Variants in CD72 observed in about 807,000 individuals in gnomAD.
The protein encoded by CD72 is CD72 molecule.
CD72 carries 28 observed loss-of-function variants against 50.7 expected under a neutral mutation model. That is an observed-to-expected ratio of 0.55 (90% CI 0.41 to 0.76). The LOEUF is 0.76. CD72 is among the 30% of genes least tolerant of loss of function. CD72 has a pLI of 0.00. For missense variants in CD72, 403 were observed against 420.6 expected (o/e 0.96, Z 0.37); for synonymous variants, 176 against 171.2 (o/e 1.03, Z -0.22).
Position 35,610,088 on chromosome 9 carries a change from TG to T in CD72, c.*234del. The T allele has an allele frequency of 1.1e-5, 3 of 263,988 alleles. No homozygotes were observed. Among genetic ancestry groups the T allele is most frequent in the East Asian group, 8.0e-5 (1 of 12,538 alleles). The allele number at this position is 263,988 out of a possible 1,614,324, so 16.4% of individuals were successfully genotyped here. A position where few individuals can be genotyped will look rare whatever the true frequency, so the allele number is the denominator to read the frequency against. ...ACCCCATTCTACCATGGGAAGTTCT[TG>T]GGGGGAGGCCAAAGTCCCTTCTAGA... On this transcript the variant is annotated 3_prime_UTR_variant, in exon 9 of 9. Coordinates refer to ENST00000259633, the MANE Select transcript of CD72 (RefSeq NM_001782.3).
chr9:35,638,595 G>A (rs4879918), intron 1 of CD72, among the ~76,000 whole-genome samples: 104,076 of 148,538 alleles, frequency 0.7, 37,585 homozygotes, highest in East Asian at 0.93. Flanking sequence ...ATCAGACCCC[G>A]CTAAATATAT....
In CD72 at chr9:35,611,815, T is replaced by C; in HGVS notation, c.939A>G (p.Thr313=). ...SNKDWKLTDD[T]QRTRTYAQSS... ...CCTAACAAACTTACCTAGTGCGTTG[T>C]GTATCATCAGTCAACTTCCAATCCT... The change falls in exon 7 of 9, where the codon ACA becomes ACG. Residue 313 remains threonine, a synonymous_variant. Transcript: ENST00000259633. 2 of 1,587,668 alleles carry C rather than the reference T, an allele frequency of 1.3e-6. No individual in the cohort carries two copies. Among genetic ancestry groups the C allele is most frequent in the East Asian group, 2.2e-5 (1 of 44,760 alleles).
chr9:35,627,891 A>G (rs1363235601), intron 1 of CD72, among the ~76,000 whole-genome samples: 4 of 151,832 alleles, frequency 2.6e-5, no homozygotes, highest in Non-Finnish European at 5.9e-5. Flanking sequence ...GCTGGAGTAC[A>G]GTGGTTCGAC....
intron 3 of CD72, chr9:35,616,943 G>C (rs1823073146): frequency 7.1e-7 from 1 of 1,404,810 alleles, no homozygotes; most frequent in East Asian, 2.5e-5. Flanking sequence ...ATATCAGACG[G>C]AGAGAGGGGA....
At position 35,610,766 on chromosome 9, in the gene CD72, A is replaced by G. The variant is rs1460346604; in HGVS notation, c.951-13T>C. 6 of 1,606,868 alleles carry G rather than the reference A, an allele frequency of 3.7e-6. No homozygotes were observed. Among genetic ancestry groups the G allele is most frequent in the Non-Finnish European group, 5.1e-6 (6 of 1,176,414 alleles). On this transcript the variant is annotated splice_polypyrimidine_tract_variant and intron_variant, in intron 7 of 8. Coordinates refer to ENST00000259633, the MANE Select transcript of CD72 (RefSeq NM_001782.3). ...TTGAGCATAAGTCCTAAAAAGTAGT[A>G]AGGTAGAGCTGGGATATGCTCTGGA... is the stretch of plus-strand genomic sequence containing the variant.
At chr9:35,630,890 G>A (rs1046613242) in intron 1 of CD72, among the ~76,000 whole-genome samples, 5 of 152,060 alleles carry the variant, frequency 3.3e-5, no homozygotes, top group East Asian at 1.9e-4. Flanking sequence ...ATGGCAAAAC[G>A]CCCGTCTCTA....
At chr9:35,626,051 C>T (rs1402122241) in intron 1 of CD72, among the ~76,000 whole-genome samples, 1 of 151,772 alleles carries the variant, frequency 6.6e-6, no homozygotes, top group African/African-American at 2.4e-5. Context: ...TTAAGAAACA[C>T]ATTTTGTAAG....
chr9:35,632,411 G>C (rs1313886667), intron 1 of CD72, among the ~76,000 whole-genome samples: 3 of 151,652 alleles, frequency 2.0e-5, no homozygotes, highest in Admixed American at 6.6e-5. Context: ...ACCTCGTGAT[G>C]CGCCCGCCTC....
chr9:35,631,135 A>G (rs1823242415), intron 1 of CD72, among the ~76,000 whole-genome samples: 1 of 152,204 alleles, frequency 6.6e-6, no homozygotes, highest in Non-Finnish European at 1.5e-5. Context: ...GCTTATTGCT[A>G]GAGTAAAAAC....
upstream of CD72, chr9:35,618,552 G>C (rs1359986099): frequency 1.2e-6 from 1 of 861,336 alleles, no homozygotes; most frequent in Non-Finnish European, 1.8e-6. Flanking sequence ...CTGAGGTCCA[G>C]AACACAGGGG....
chr9:35,611,223 T>C (rs1226257813), intron 7 of CD72, among the ~76,000 whole-genome samples: 32 of 149,498 alleles, frequency 2.1e-4, no homozygotes, highest in East Asian at 1.6e-3. Flanking sequence ...TGCACTCCAG[T>C]CTGGGCGACA....
chr9:35,623,449 GC>G (rs1374394925), upstream of CD72, among the ~76,000 whole-genome samples: 2 of 152,176 alleles, frequency 1.3e-5, no homozygotes, highest in African/African-American at 4.8e-5. Flanking sequence ...CATTGTGCCA[GC>G]CACACCTATA....
At chr9:35,632,902 T>C (rs969746091) in intron 1 of CD72, among the ~76,000 whole-genome samples, 2 of 151,378 alleles carry the variant, frequency 1.3e-5, no homozygotes, top group African/African-American at 4.9e-5. Flanking sequence ...AAAAGACAAT[T>C]TTTTGGATTT....
At chr9:35,643,507 C>T (rs867570097) in intron 1 of CD72, 4 of 152,180 alleles carry the variant, frequency 2.6e-5, no homozygotes, top group African/African-American at 7.2e-5. Flanking sequence ...CAATAAACAA[C>T]GCTTCACTTA....
At chr9:35,624,022 A>T (rs1287159306), upstream of CD72, among the ~76,000 whole-genome samples, 1 of 151,654 alleles carries the variant, frequency 6.6e-6, no homozygotes, top group African/African-American at 2.4e-5. Context: ...GACCAGCCTG[A>T]CCAACACGAT....
At position 35,616,073 on chromosome 9, in the gene CD72, C is replaced by G; in HGVS notation, c.558G>C (p.Gln186His). 6.2e-7 allele frequency: 1 copy of G among 1,614,186 alleles called. No individual in the cohort carries two copies. The highest frequency in any genetic ancestry group is 1.1e-5 in the South Asian group (1 of 91,080). ...TCTTCTGTCTGTCTGCCTGGCAGGC[C>G]TGTAGCTGCCCTTCGGCCGCCTGAT... ...RAHQAAEGQL[Q>H]ACQADRQKTK... is the part of the protein sequence containing the mutation. The change falls in exon 5 of 9, where the codon CAG becomes CAC. Residue 186 changes from glutamine (Q) to histidine (H), a missense_variant. Gln to His is a conservative substitution (Grantham distance 24). Transcript: ENST00000259633.
intron 3 of CD72, 186 bp downstream of exon 3, chr9:35,616,990 G>C (rs1054420110): frequency 1.5e-5 from 21 of 1,443,826 alleles, no homozygotes; most frequent in Admixed American, 2.7e-5. Flanking sequence ...CATCCGCAGG[G>C]GGGCGGTGCA....
chr9:35,610,696 T>G lies in CD72; in HGVS notation c.1008A>C (p.Thr336=), dbSNP rs1218589474. 1.2e-6 allele frequency: 2 copies of G among 1,610,508 alleles called. No homozygotes were observed. The highest frequency in any genetic ancestry group is 1.7e-6 in the Non-Finnish European group (2 of 1,176,854). The change falls in exon 8 of 9, where the codon ACA becomes ACC. Residue 336 remains threonine (T), a synonymous_variant. Transcript: ENST00000259633. ...NKVHKTWSWW[T]LESESCRSSL... ...AACTTCTACATGACTCTGACTCCAG[T>G]GTCCACCATGACCAAGTTTTATGTA...
chr9:35,617,697 T>G (rs1298473268), intron 2 of CD72, among the ~76,000 whole-genome samples: 3 of 152,090 alleles, frequency 2.0e-5, no homozygotes, highest in Non-Finnish European at 4.4e-5. Context: ...CTCCCCTGGC[T>G]CCCATTTATC....
Sources: allele counts gnomAD v4.1 joint callset (sites outside exome capture counted in the v4.1 genomes callset), GRCh38; gene constraint gnomAD v4.1.1; transcripts MANE v1.5; gene names NCBI Gene and HGNC (gene_info 2026-07-23, HGNC 2026-07-21).